Variants in DOCK4 observed in about 807,000 individuals in gnomAD.
DOCK4 encodes dedicator of cytokinesis protein 4.
In DOCK4, 97 loss-of-function variants were observed where a neutral mutation model predicts 268.1. The observed-to-expected ratio is 0.36, with a 90% CI of 0.31 to 0.43. The LOEUF (loss-of-function observed/expected upper bound fraction) is 0.43. DOCK4 is among the 20% of genes least tolerant of loss of function. The pLI is 1.00. For synonymous variants in DOCK4, 954 were observed against 887.2 expected (o/e 1.08, Z -1.34); for missense variants, 2,145 against 2,455.7 (o/e 0.87, Z 2.67).
At chr7:111,877,833 C>T (rs571976591) in intron 16 of DOCK4, among the ~76,000 whole-genome samples, 52 of 152,250 alleles carry the variant, frequency 3.4e-4, no homozygotes, top group African/African-American at 1.2e-3. Flanking sequence ...AGTGCTAAAA[C>T]CAGCAGAATT....
At chr7:111,978,834 T>C (rs551104346) in intron 7 of DOCK4, among the ~76,000 whole-genome samples, 1 of 152,358 alleles carries the variant, frequency 6.6e-6, no homozygotes, top group South Asian at 2.1e-4. Flanking sequence ...AGCCATTTCT[T>C]GGACCACACT....
intron 37 of DOCK4, 121 bp downstream of exon 37, chr7:111,769,408 T>C: frequency 2.4e-6 from 3 of 1,238,054 alleles, no homozygotes; most frequent in South Asian, 2.9e-5. Context: ...GTTTCTAATA[T>C]ACATTAAGAT....
chr7:111,944,826 G>T lies in DOCK4; in HGVS notation c.829C>A (p.His277Asn). Residue 277 changes from histidine to asparagine, a missense_variant, in exon 10 of 53, where the codon CAC becomes AAC. Around this residue, in one of 2 missense-constraint regions of DOCK4, gnomAD observed 1,598 missense variants for 1,986.7 expected, o/e 0.80. Coordinates refer to ENST00000428084, the MANE Select transcript of DOCK4 (RefSeq NM_001363540.2). ...ELRKDIYITV[H>N]IIRIGRMGAG... ...TTATACCTACCGATTCGGATAATGT[G>T]CACGGTGATATAAATGTCCTTTCTT... 2 of 1,613,868 alleles carry T rather than the reference G, an allele frequency of 1.2e-6. No individual in the cohort carries two copies. The highest frequency in any genetic ancestry group is 1.7e-6 in the Non-Finnish European group (2 of 1,179,824).
intron 23 of DOCK4, among the ~76,000 whole-genome samples, chr7:111,851,672 T>C (rs575797339): frequency 2.0e-5 from 3 of 152,160 alleles, no homozygotes; most frequent in African/African-American, 7.2e-5. Flanking sequence ...AGAATTAGAC[T>C]GCTTAGATTA....
intron 42 of DOCK4, among the ~76,000 whole-genome samples, chr7:111,748,295 A>G (rs895397653): frequency 6.6e-6 from 1 of 152,182 alleles, no homozygotes; most frequent in African/African-American, 2.4e-5. Flanking sequence ...TAGAATATGA[A>G]GACTGAACAT....
intron 1 of DOCK4, among the ~76,000 whole-genome samples, chr7:112,164,913 T>C (rs1305395198): frequency 6.6e-6 from 1 of 152,222 alleles, no homozygotes; most frequent in Non-Finnish European, 1.5e-5. Context: ...TATTACAACC[T>C]GGTGAAACAT....
At chr7:111,737,150 AAG>A (rs1270489153) in intron 49 of DOCK4, among the ~76,000 whole-genome samples, 161 bp from the exon 50 acceptor site, 1 of 152,196 alleles carries the variant, frequency 6.6e-6, no homozygotes, top group Non-Finnish European at 1.5e-5. Context: ...ATTTAAGTAA[AAG>A]GGGGTGGGAA....
intron 44 of DOCK4, among the ~76,000 whole-genome samples, chr7:111,743,510 A>G (rs957491301): frequency 1.4e-4 from 21 of 152,172 alleles, no homozygotes; most frequent in Non-Finnish European, 2.5e-4. Flanking sequence ...GGGAGAGGCT[A>G]CATCTGTGAT....
chr7:111,802,465 G>T (rs1427454193), intron 30 of DOCK4, among the ~76,000 whole-genome samples: 1 of 152,078 alleles, frequency 6.6e-6, no homozygotes, highest in Non-Finnish European at 1.5e-5. Flanking sequence ...ACAGCTTTTG[G>T]GTATGTGTGA....
At position 111,863,578 on chromosome 7, in the gene DOCK4, A is replaced by C. The variant is rs1432166438; in HGVS notation, c.2281-14T>G. 1.9e-6 allele frequency: 3 copies of C among 1,581,048 alleles called. No individual in the cohort carries two copies. The highest frequency in any genetic ancestry group is 2.6e-6 in the Non-Finnish European group (3 of 1,161,040). On this transcript the variant is annotated splice_polypyrimidine_tract_variant and intron_variant, in intron 22 of 52. Transcript: ENST00000428084. ...CAGAAACACAGCCTTAAAAAGAAGA[A>C]GACATTTAAATCAACTCCCAGATAC...
chr7:112,203,610 A>T (rs1476083417), intron 1 of DOCK4, among the ~76,000 whole-genome samples: 2 of 152,200 alleles, frequency 1.3e-5, no homozygotes, highest in Non-Finnish European at 2.9e-5. Context: ...ATTTATTTCA[A>T]AGAATGAAGA....
chr7:112,205,651 T>G (rs1289605757), intron 1 of DOCK4, among the ~76,000 whole-genome samples: 1 of 152,054 alleles, frequency 6.6e-6, no homozygotes, highest in Non-Finnish European at 1.5e-5. Context: ...TTTGGGGGTG[T>G]TCTCTCTGCC....
chr7:111,818,998 T>C (rs1801775194), intron 27 of DOCK4, among the ~76,000 whole-genome samples: 3 of 152,210 alleles, frequency 2.0e-5, no homozygotes, highest in Admixed American at 1.3e-4. Flanking sequence ...CACTGGAAAA[T>C]ACTGGCTGAA....
chr7:112,131,194 G>A (rs1217061440), intron 1 of DOCK4, among the ~76,000 whole-genome samples: 1 of 152,140 alleles, frequency 6.6e-6, no homozygotes, highest in Non-Finnish European at 1.5e-5. Context: ...CTGCTCACTA[G>A]ATGAGATCAG....
intron 16 of DOCK4, among the ~76,000 whole-genome samples, chr7:111,893,566 T>A (rs1352732817): frequency 6.6e-6 from 1 of 152,246 alleles, no homozygotes; most frequent in Non-Finnish European, 1.5e-5. Context: ...GCTCAAGACA[T>A]TGCCTGTTAT....
chr7:111,895,739 G>C, intron 15 of DOCK4, 21 bp from the exon 16 acceptor site: 1 of 1,601,726 alleles, frequency 6.2e-7, no homozygotes, highest in Non-Finnish European at 8.6e-7. Context: ...CAAATTACTT[G>C]CTTATTTAAG....
In DOCK4 at chr7:112,206,233, C is replaced by T; in HGVS notation, c.-95G>A. 7.3e-7 allele frequency: 1 copy of T among 1,372,930 alleles called. No individual in the cohort carries two copies. The highest frequency in any genetic ancestry group is 1.0e-6 in the Non-Finnish European group (1 of 993,966). The allele number at this position is 1,372,930 out of a possible 1,614,324, so 85.0% of individuals were successfully genotyped here. ...CAGTCCCCGAGCAGCGCTGCAGTGCCGGAGCCCAGCGGCTTCGCGCGGGCT... is the reference window on the plus strand; with the variant it reads ...CAGTCCCCGAGCAGCGCTGCAGTGCTGGAGCCCAGCGGCTTCGCGCGGGCT... On this transcript the variant is annotated 5_prime_UTR_variant, in exon 1 of 53. Coordinates refer to ENST00000428084, the MANE Select transcript of DOCK4 (RefSeq NM_001363540.2).
chr7:111,936,639 T>C (rs1347665267), intron 11 of DOCK4, among the ~76,000 whole-genome samples: 2 of 152,140 alleles, frequency 1.3e-5, no homozygotes, highest in African/African-American at 4.8e-5. Flanking sequence ...GGGGAAAAGT[T>C]CCTTCATCTG....
chr7:111,878,583 G>A (rs891191294), intron 16 of DOCK4, among the ~76,000 whole-genome samples: 8 of 152,140 alleles, frequency 5.3e-5, no homozygotes, highest in East Asian at 1.9e-4. Context: ...AATCTCCAAC[G>A]TCCTCTCCCA....
Sources: gnomAD v4.1 joint callset for allele counts (sites outside exome capture counted in the v4.1 genomes callset) on GRCh38, gnomAD v4.1.1 for gene constraint, gnomAD v4.1.1 regional missense constraint, MANE v1.5 for transcripts, NCBI Gene and HGNC (gene_info 2026-07-23, HGNC 2026-07-21) for gene names.